The following FRMD6 variants were observed in gnomAD, a reference collection of about 807,000 sequenced individuals.
The protein encoded by FRMD6 is FERM domain-containing protein 6.
A neutral mutation model predicts 73.2 loss-of-function variants in FRMD6; 37 were observed. The ratio of observed to expected loss-of-function variants is 0.51; its 90% CI spans 0.39 to 0.66. FRMD6 has a LOEUF of 0.66. Among genes scored for constraint, FRMD6 ranks in the 30% least tolerant of loss-of-function variants. The probability of loss-of-function intolerance (pLI) is 0.00; values close to 1 mark genes in which losing one functional copy is unlikely to be tolerated. For missense variants in FRMD6, 714 were observed against 780.5 expected (o/e 0.91, Z 1.02); for synonymous variants, 273 against 282.2 (o/e 0.97, Z 0.33).
chr14:51,526,204 A>G (rs1885247872), intron 1 of FRMD6, among the ~76,000 whole-genome samples: 1 of 152,188 alleles, frequency 6.6e-6, no homozygotes, highest in African/African-American at 2.4e-5. Context: ...TGCAAGAGAG[A>G]ACAAAGTACT....
upstream of FRMD6, chr14:51,651,239 G>T (rs1258206706): frequency 1.3e-5 from 2 of 152,340 alleles, no homozygotes; most frequent in South Asian, 4.1e-4. Flanking sequence ...TAGAATTAGA[G>T]GGGGAGGCTG....
chr14:51,516,228 AAAC>A (rs1884631834), intron 1 of FRMD6, among the ~76,000 whole-genome samples: 1 of 152,180 alleles, frequency 6.6e-6, no homozygotes, highest in Non-Finnish European at 1.5e-5. Context: ...ACTCACAAAA[AAAC>A]AAAATGTGTT....
intron 1 of FRMD6, among the ~76,000 whole-genome samples, chr14:51,667,719 G>T (rs1893705681): frequency 6.6e-6 from 1 of 152,074 alleles, no homozygotes; most frequent in Non-Finnish European, 1.5e-5. Context: ...ATTTTCAAGT[G>T]TAATATTAAG....
At chr14:51,627,831 A>G (rs1399225725) in intron 2 of FRMD6, among the ~76,000 whole-genome samples, 1 of 152,190 alleles carries the variant, frequency 6.6e-6, no homozygotes, top group Non-Finnish European at 1.5e-5. Context: ...GTGAATAGTC[A>G]TCCCTCCATA....
the FRMD6 span, among the ~76,000 whole-genome samples, chr14:51,433,999 A>G: frequency 1.9e-4 from 29 of 152,312 alleles, no homozygotes; most frequent in Non-Finnish European, 2.2e-4. Flanking sequence ...TGCTTTAGCA[A>G]TTCTGAAGCT....
chr14:51,537,799 G>C (rs1444791726), intron 1 of FRMD6, among the ~76,000 whole-genome samples: 1 of 152,126 alleles, frequency 6.6e-6, no homozygotes, highest in East Asian at 1.9e-4. Flanking sequence ...TCATCTATCT[G>C]TACATCTTCT....
At chr14:51,611,415 G>C (rs929011527) in intron 2 of FRMD6, among the ~76,000 whole-genome samples, 2 of 152,056 alleles carry the variant, frequency 1.3e-5, no homozygotes, top group Non-Finnish European at 1.5e-5. Flanking sequence ...GAAATAACCA[G>C]GGCTGCTTTA....
At chr14:51,607,438 GGTGCCAACTCTAAT>G (rs980393135) in intron 2 of FRMD6, among the ~76,000 whole-genome samples, 9 of 152,146 alleles carry the variant, frequency 5.9e-5, no homozygotes, top group Non-Finnish European at 1.2e-4. Flanking sequence ...CTGCCACTGA[GGTGCCAACTCTAAT>G]GTTGACTGAC....
intron 2 of FRMD6, among the ~76,000 whole-genome samples, chr14:51,641,633 T>G (rs1232329990): frequency 6.6e-6 from 1 of 152,168 alleles, no homozygotes; most frequent in Non-Finnish European, 1.5e-5. Context: ...CCAGCAACTT[T>G]TCAATAGACA....
chr14:51,609,649 A>G (rs1400432885), intron 2 of FRMD6, among the ~76,000 whole-genome samples: 2 of 152,160 alleles, frequency 1.3e-5, no homozygotes, highest in Non-Finnish European at 2.9e-5. Flanking sequence ...TTGAGATGGG[A>G]TGAGAAGTTC....
At chr14:51,439,964 G>A in the FRMD6 span, among the ~76,000 whole-genome samples, 11 of 151,956 alleles carry the variant, frequency 7.2e-5, no homozygotes, top group African/African-American at 2.7e-4. Flanking sequence ...ACAATTGTCT[G>A]AGCTTCAGTT....
chr14:51,654,408 C>G (rs1332477736), intron 1 of FRMD6, among the ~76,000 whole-genome samples: 1 of 151,974 alleles, frequency 6.6e-6, no homozygotes, highest in African/African-American at 2.4e-5. Flanking sequence ...ACTGCGTAGC[C>G]TTTTGTGGCA....
At chr14:51,648,339 G>T (rs1040735807), upstream of FRMD6, among the ~76,000 whole-genome samples, 1 of 152,030 alleles carries the variant, frequency 6.6e-6, no homozygotes, top group Non-Finnish European at 1.5e-5. Flanking sequence ...TAAGGCTATG[G>T]CCATCATGCT....
the FRMD6 span, among the ~76,000 whole-genome samples, chr14:51,457,111 A>T: frequency 6.6e-6 from 1 of 152,222 alleles, no homozygotes; most frequent in African/African-American, 2.4e-5. Context: ...TGTATTTCAA[A>T]ATAGCCAGAA....
chr14:51,652,507 G>C (rs115050740), intron 1 of FRMD6, among the ~76,000 whole-genome samples: 1 of 152,150 alleles, frequency 6.6e-6, no homozygotes, highest in Non-Finnish European at 1.5e-5. Context: ...CCGCGCTCCC[G>C]GGGGCTGCGC....
intron 1 of FRMD6, among the ~76,000 whole-genome samples, chr14:51,503,689 T>G (rs1465615670): frequency 6.6e-6 from 1 of 151,960 alleles, no homozygotes; most frequent in African/African-American, 2.4e-5. Context: ...TTGTTTTTTT[T>G]TTTTGTATCT....
intron 2 of FRMD6, among the ~76,000 whole-genome samples, chr14:51,583,895 G>C (rs982295684): frequency 6.6e-6 from 1 of 152,190 alleles, no homozygotes. Flanking sequence ...AGAAAGAGAA[G>C]CTGGGGTTTA....
chr14:51,551,999 A>C (rs1024747897), intron 1 of FRMD6, among the ~76,000 whole-genome samples: 1 of 152,198 alleles, frequency 6.6e-6, no homozygotes, highest in Non-Finnish European at 1.5e-5. Flanking sequence ...CTGAATATAA[A>C]TTATTGTTTA....
intron 1 of FRMD6, among the ~76,000 whole-genome samples, chr14:51,493,158 A>C (rs78743577): frequency 5.0e-4 from 76 of 152,314 alleles, no homozygotes; most frequent in African/African-American, 1.7e-3. Flanking sequence ...TGTTTACATG[A>C]AAAAATTTAA....
Sources: gnomAD v4.1 joint callset for allele counts (sites outside exome capture counted in the v4.1 genomes callset) on GRCh38, gnomAD v4.1.1 for gene constraint, MANE v1.5 for transcripts, NCBI Gene and HGNC (gene_info 2026-07-23, HGNC 2026-07-21) for gene names.